KANSL3: variants seen among roughly 807,000 people sequenced by gnomAD.
KANSL3 encodes the protein KAT8 regulatory NSL complex subunit 3, also known as NSL complex protein NSL3.
KANSL3 carries 16 observed loss-of-function variants against 89.2 expected under a neutral mutation model. The ratio of observed to expected loss-of-function variants is 0.18; its 90% CI spans 0.12 to 0.27. KANSL3 has a LOEUF of 0.27. Ranked by LOEUF, KANSL3 falls within the 10% of genes least tolerant of loss-of-function variation. The pLI, the probability that KANSL3 is intolerant of heterozygous loss-of-function variation, is 1.00. For synonymous variants in KANSL3, 385 were observed against 419.7 expected (o/e 0.92, Z 1.01); for missense variants, 879 against 1,110.6 (o/e 0.79, Z 2.96).
At chr2:96,625,820 T>G (rs1354262873) in intron 3 of KANSL3, among the ~76,000 whole-genome samples, 1 of 151,954 alleles carries the variant, frequency 6.6e-6, no homozygotes, top group Non-Finnish European at 1.5e-5. Flanking sequence ...AGAAAAAAAA[T>G]GATCTAAACC....
Position 96,631,476 on chromosome 2 carries a change from T to C in KANSL3, c.222A>G (p.Ser74=). ...CCGTCTCCACATCTATTGGGACGTC[T>C]GATTCACTGTAAACAGGTGAGGAAA... ...PRRQHESTIE[S]DVPIDVETVT... Residue 74 remains serine (S), a synonymous_variant, in exon 3 of 21, where the codon TCA becomes TCG. Coordinates refer to ENST00000431828, the MANE Select transcript of KANSL3 (RefSeq NM_001115016.3). The C allele has an allele frequency of 6.4e-7, 1 of 1,565,564 alleles. No homozygotes were observed. The highest frequency in any genetic ancestry group is 8.7e-7 in the Non-Finnish European group (1 of 1,154,178).
chr2:96,616,625 T>C (rs1046252084), intron 5 of KANSL3, among the ~76,000 whole-genome samples: 3 of 152,202 alleles, frequency 2.0e-5, no homozygotes, highest in Non-Finnish European at 4.4e-5. Flanking sequence ...AAAGTATTTG[T>C]TGTGAATCTA....
At chr2:96,612,647 C>G (rs2069211764) in intron 7 of KANSL3, 84 bp from the exon 8 acceptor site, 1 of 1,267,290 alleles carries the variant, frequency 7.9e-7, no homozygotes, top group Non-Finnish European at 1.1e-6. Flanking sequence ...AACCCAAAAC[C>G]TTGGAATTCC....
chr2:96,637,359 G>GA (rs1168691490), intron 1 of KANSL3, 174 bp from the exon 2 acceptor site: 8,981 of 397,190 alleles, frequency 0.023, no homozygotes, highest in South Asian at 0.044. Flanking sequence ...CAAAAAAAAA[G>GA]AAAAAAAAAA....
At chr2:96,612,083 C>T in intron 9 of KANSL3, 199 bp downstream of exon 9, 1 of 564,418 alleles carries the variant, frequency 1.8e-6, no homozygotes, top group South Asian at 2.2e-5. Flanking sequence ...TATACTACAC[C>T]TGCTTTTGTT....
chr2:96,584,469 T>C, the KANSL3 span, among the ~76,000 whole-genome samples: 1 of 152,240 alleles, frequency 6.6e-6, no homozygotes, highest in African/African-American at 2.4e-5. Context: ...CCTGGGAACA[T>C]TCAAAATCTG....
intron 16 of KANSL3, 60 bp from the exon 17 acceptor site, chr2:96,604,440 C>A: frequency 6.3e-7 from 1 of 1,580,964 alleles, no homozygotes. Flanking sequence ...GCCCTAGCAA[C>A]ACTGGCAGGG....
At chr2:96,627,800 G>C in intron 3 of KANSL3, 1 of 668,052 alleles carries the variant, frequency 1.5e-6, no homozygotes, top group Non-Finnish European at 2.3e-6. Flanking sequence ...CAGAGCAGAA[G>C]GAACTGCAAG....
At position 96,602,795 on chromosome 2, in the gene KANSL3, G is replaced by A; in HGVS notation, c.2217C>T (p.Thr739=). Residue 739 remains threonine (T), a synonymous_variant, in exon 18 of 21, where the codon ACC becomes ACT. Coordinates refer to ENST00000431828, the MANE Select transcript of KANSL3 (RefSeq NM_001115016.3). ...GGGAGGGATTTGCTGGAAGGCCAGAGGTCTTGCTGCTGATATCCTGCAAGC... is the reference window on the plus strand; with the variant it reads ...GGGAGGGATTTGCTGGAAGGCCAGAAGTCTTGCTGCTGATATCCTGCAAGC... The part of the protein sequence containing the change: ...SFSLQDISSK[T]SGLPANPSPG... 6.2e-7 allele frequency: 1 copy of A among 1,611,524 alleles called. No individual in the cohort carries two copies. The highest frequency in any genetic ancestry group is 8.5e-7 in the Non-Finnish European group (1 of 1,178,590).
At chr2:96,590,643 G>A (rs1247498988), downstream of KANSL3, among the ~76,000 whole-genome samples, 2 of 151,252 alleles carry the variant, frequency 1.3e-5, no homozygotes, top group African/African-American at 4.9e-5. Flanking sequence ...TCACACTCCT[G>A]GTTATTTACC....
At chr2:96,637,699 C>T (rs2074444933) in intron 1 of KANSL3, among the ~76,000 whole-genome samples, 1 of 152,216 alleles carries the variant, frequency 6.6e-6, no homozygotes, top group African/African-American at 2.4e-5. Context: ...GGCTCCACTT[C>T]TTCAAGCCTC....
intron 3 of KANSL3, among the ~76,000 whole-genome samples, chr2:96,626,694 C>T (rs2072390462): frequency 6.6e-6 from 1 of 152,114 alleles, no homozygotes; most frequent in African/African-American, 2.4e-5. Context: ...ATTTGACAAA[C>T]ATCTGGAGGG....
chr2:96,591,959 C>T (rs888788003), downstream of KANSL3, among the ~76,000 whole-genome samples: 3 of 152,160 alleles, frequency 2.0e-5, no homozygotes, highest in African/African-American at 7.2e-5. Context: ...CTTCTTGCAG[C>T]CATCAACCCT....
intron 3 of KANSL3, among the ~76,000 whole-genome samples, chr2:96,625,921 A>AT (rs2072213845): frequency 6.6e-6 from 1 of 152,202 alleles, no homozygotes; most frequent in Non-Finnish European, 1.5e-5. Flanking sequence ...AAACAGTCAA[A>AT]TAGCTGATGG....
At position 96,631,296 on chromosome 2, in the gene KANSL3, C is replaced by T; in HGVS notation, c.386+16G>A. 6.4e-7 allele frequency: 1 copy of T among 1,569,268 alleles called. No homozygotes were observed. The highest frequency in any genetic ancestry group is 1.1e-5 in the South Asian group (1 of 89,992). ...TAATTACAGGGCAGTGATCATCCTC[C>T]TGATGAGCAGCCTACCTGTTGACAT... On this transcript the variant is annotated intron_variant, in intron 3 of 20. Coordinates refer to ENST00000431828, the MANE Select transcript of KANSL3 (RefSeq NM_001115016.3).
chr2:96,591,662 A>G (rs2066276643), downstream of KANSL3, among the ~76,000 whole-genome samples: 1 of 152,202 alleles, frequency 6.6e-6, no homozygotes, highest in African/African-American at 2.4e-5. Context: ...TCTTCTGGAT[A>G]CTATGATTGG....
intron 9 of KANSL3, 75 bp from the exon 10 acceptor site, chr2:96,611,213 G>T: frequency 8.2e-7 from 1 of 1,221,194 alleles, no homozygotes; most frequent in Non-Finnish European, 1.2e-6. Flanking sequence ...ATCCAGGAGT[G>T]GTCCAGACCC....
At chr2:96,582,647 C>A in the KANSL3 span, among the ~76,000 whole-genome samples, 1 of 152,316 alleles carries the variant, frequency 6.6e-6, no homozygotes, top group Non-Finnish European at 1.5e-5. Flanking sequence ...ATGTCTGCAT[C>A]ATCTCTGGGT....
intron 5 of KANSL3, among the ~76,000 whole-genome samples, chr2:96,617,459 T>G (rs1463325909): frequency 6.6e-6 from 1 of 151,206 alleles, no homozygotes; most frequent in Non-Finnish European, 1.5e-5. Context: ...AAACAATGAG[T>G]CTGCAAGTTT....
Sources: allele counts gnomAD v4.1 joint callset (sites outside exome capture counted in the v4.1 genomes callset), GRCh38; gene constraint gnomAD v4.1.1; transcripts MANE v1.5; gene names NCBI Gene and HGNC (gene_info 2026-07-23, HGNC 2026-07-21).